The following GLS variants were observed in gnomAD, a reference collection of about 807,000 sequenced individuals.
The protein encoded by GLS is glutaminase, also known as glutaminase kidney isoform, mitochondrial.
GLS carries 36 observed loss-of-function variants against 86.7 expected under a neutral mutation model. The ratio of observed to expected loss-of-function variants is 0.42; its 90% confidence interval spans 0.32 to 0.55. The LOEUF (loss-of-function observed/expected upper bound fraction) is 0.55, where lower values mean the gene tolerates loss of function less well. Ranked by LOEUF, GLS falls within the 20% of genes least tolerant of loss-of-function variation. The pLI is 0.17. For missense variants in GLS, 528 were observed against 833.4 expected, an observed-to-expected ratio of 0.63 and a Z score of 4.51; for synonymous variants, 317 against 305.9, an observed-to-expected ratio of 1.04 and a Z score of -0.38.
chr2:190,922,620 C>CT (rs1478013782), intron 9 of GLS, among the ~76,000 whole-genome samples: 2 of 152,128 alleles, frequency 1.3e-5, no homozygotes, highest in African/African-American at 4.8e-5. Flanking sequence ...ATAATAGGCA[C>CT]TTGAGATAGT....
intron 14 of GLS, among the ~76,000 whole-genome samples, chr2:190,952,572 G>A (rs1690742602): frequency 6.6e-6 from 1 of 152,212 alleles, no homozygotes; most frequent in South Asian, 2.1e-4. Flanking sequence ...AAGCCATACT[G>A]GAAAGGGAGA....
Position 190,930,634 on chromosome 2 carries a change from T to G in GLS, c.1557+66T>G. 3 of 1,471,884 alleles carry G rather than the reference T, an allele frequency of 2.0e-6. No individual in the cohort carries two copies. In the South Asian group the frequency reaches 3.8e-5, roughly 19 times the overall value. The allele number at this position is 1,471,884 out of a possible 1,614,324, so 91.2% of individuals were successfully genotyped here. ...TGAGCCATCCAATGATTCTTTTTTT[T>G]AACCCATTTTCCATAGTTCATTAAC... On this transcript the variant is annotated intron_variant, in intron 13 of 17. Transcript: ENST00000320717. This position sits in a 1 kb window ranked among gnomAD's most constrained non-coding sequence, Gnocchi z 5.0.
chr2:190,942,172 C>T (rs1408043490), intron 14 of GLS, among the ~76,000 whole-genome samples: 2 of 146,770 alleles, frequency 1.4e-5, no homozygotes, highest in South Asian at 2.2e-4. Flanking sequence ...CTCCGCCTCC[C>T]GGGTTCACAC....
intron 6 of GLS, among the ~76,000 whole-genome samples, chr2:190,909,361 TATA>T (rs1348089145): frequency 3.9e-5 from 6 of 152,202 alleles, no homozygotes; most frequent in Admixed American, 3.3e-4. Flanking sequence ...TTCAAGTACA[TATA>T]ATACTTGTTA....
chr2:190,880,920 A>AGCACCC lies in GLS; in HGVS notation c.-165_-164insGCACCC, dbSNP rs71030311. The stretch of plus-strand genomic sequence containing the variant: ...CAGCAGCAGCAGCAGCAGCAGCAGC[A>AGCACCC]CCCGCATCCGCTGCGGGAGTCCGAG... On this transcript the variant is annotated 5_prime_UTR_variant, in exon 1 of 18. Transcript: ENST00000320717. 3.2e-6 allele frequency: 3 copies of AGCACCC among 933,616 alleles called. No homozygotes were observed. 57.8% of individuals were successfully genotyped at this position (933,616 alleles called of 1,614,324 possible). A position where few individuals can be genotyped will look rare whatever the true frequency, so the allele number is the denominator to read the frequency against.
At chr2:190,882,497 C>T (rs1045040029) in intron 1 of GLS, among the ~76,000 whole-genome samples, 3 of 152,136 alleles carry the variant, frequency 2.0e-5, no homozygotes, top group African/African-American at 4.8e-5. Context: ...TGGCTTTGTA[C>T]GCTGACACTC....
chr2:190,923,250 C>G (rs1689804427), intron 9 of GLS, among the ~76,000 whole-genome samples: 3 of 152,112 alleles, frequency 2.0e-5, no homozygotes, highest in Admixed American at 2.0e-4. Context: ...TGTGGGTAGT[C>G]AGGAGCTATT....
At chr2:190,944,410 A>G (rs941166595) in intron 14 of GLS, among the ~76,000 whole-genome samples, 5 of 152,208 alleles carry the variant, frequency 3.3e-5, no homozygotes, top group Non-Finnish European at 5.9e-5. Context: ...ACTTGTTTGT[A>G]TAATAGTGGG....
Position 190,921,809 on chromosome 2 carries a change from C to G in GLS, c.1130+606C>G, listed in dbSNP as rs937926174. ...CCATTAACACATGTAAGAACGTTAA[C>G]GTTAATTTTAAAATATCATGACATT... On this transcript the variant is annotated intron_variant, in intron 9 of 17. Transcript: ENST00000320717. This position sits in a 1 kb window ranked among gnomAD's most constrained non-coding sequence, Gnocchi z 4.2. 2.6e-5 allele frequency among the ~76,000 whole-genome samples: 4 copies of G among 151,940 alleles called. No individual in the cohort carries two copies. The highest frequency in any genetic ancestry group is 9.7e-5 in the African/African-American group (4 of 41,406).
In GLS at chr2:190,905,229, G is replaced by A; in HGVS notation, c.979+62G>A. On this transcript the variant is annotated intron_variant, in intron 6 of 17. Transcript: ENST00000320717. The surrounding 1 kb of genome is among the most constrained non-coding windows in gnomAD (Gnocchi z 4.6). ...GTCTCATTTTCCTATGTAAATCTAA[G>A]TCGTTTTAAACATTTTTTGATTAAA... 1 of 1,021,930 alleles carries A rather than the reference G, an allele frequency of 9.8e-7. No homozygotes were observed. The highest frequency in any genetic ancestry group is 1.5e-6 in the Non-Finnish European group (1 of 688,176). The allele number at this position is 1,021,930 out of a possible 1,614,324, so 63.3% of individuals were successfully genotyped here.
intron 14 of GLS, among the ~76,000 whole-genome samples, chr2:190,937,842 T>G (rs1334863367): frequency 1.4e-5 from 2 of 143,548 alleles, no homozygotes; most frequent in African/African-American, 5.1e-5. Context: ...ATCTGTGGGT[T>G]TTTTTTTTTT....
chr2:190,895,066 T>C lies in GLS; in HGVS notation c.387-86T>C. 1.5e-6 allele frequency: 1 copy of C among 659,740 alleles called. No individual in the cohort carries two copies. Among genetic ancestry groups the C allele is most frequent in the Non-Finnish European group, 2.8e-6 (1 of 360,492 alleles). 40.9% of individuals were successfully genotyped at this position (659,740 alleles called of 1,614,324 possible). A position where few individuals can be genotyped will look rare whatever the true frequency, so the allele number is the denominator to read the frequency against. On this transcript the variant is annotated intron_variant, in intron 1 of 17. Transcript: ENST00000320717. This position sits in a 1 kb window ranked among gnomAD's most constrained non-coding sequence, Gnocchi z 4.2. Reference sequence around the variant, plus strand: ...ATATGAGCTCAGCTGTAGTCTAGTTTAGTGGTTATTTAACAATGGATTTAG... The same window carrying C: ...ATATGAGCTCAGCTGTAGTCTAGTTCAGTGGTTATTTAACAATGGATTTAG...
intron 7 of GLS, among the ~76,000 whole-genome samples, chr2:190,910,528 T>C (rs1399167228): frequency 6.6e-6 from 1 of 151,904 alleles, no homozygotes; most frequent in Non-Finnish European, 1.5e-5. Flanking sequence ...AGATGACTCA[T>C]TGTAAATTCC....
intron 14 of GLS, among the ~76,000 whole-genome samples, chr2:190,939,322 T>C (rs1339972850): frequency 1.3e-5 from 2 of 151,748 alleles, no homozygotes. Flanking sequence ...AAAGGCTTTG[T>C]TGACTTACAA....
rs532357575 is a variant in GLS at position 190,951,088 on chromosome 2, C to T, written c.1651-2477C>T. Reference sequence around the variant, plus strand: ...GTGTGCCCAGAGGAATAGATGAATTCTTTGAGGGACATTATATTGAAAAAC... The same window carrying T: ...GTGTGCCCAGAGGAATAGATGAATTTTTTGAGGGACATTATATTGAAAAAC... On this transcript the variant is annotated intron_variant, in intron 14 of 17. Coordinates refer to ENST00000320717, the MANE Select transcript of GLS (RefSeq NM_014905.5). The surrounding 1 kb of genome is among the most constrained non-coding windows in gnomAD (Gnocchi z 4.2). Among the ~76,000 whole-genome samples the T allele has an allele frequency of 1.3e-5, 2 of 152,154 alleles. No individual in the cohort carries two copies. Among genetic ancestry groups the T allele is most frequent in the East Asian group, 3.9e-4 (2 of 5,182 alleles).
At position 190,895,817 on chromosome 2, in the gene GLS, C is replaced by T. The variant is rs184707114; in HGVS notation, c.605+92C>T. On this transcript the variant is annotated intron_variant, in intron 3 of 17. Coordinates refer to ENST00000320717, the MANE Select transcript of GLS (RefSeq NM_014905.5). The surrounding 1 kb of genome is among the most constrained non-coding windows in gnomAD (Gnocchi z 4.2). ...AAAATTGCATCTTTGAAGGCCACTG[C>T]TTCCTGTGTAATGGAAAAAGGGGAT... The T allele has an allele frequency of 2.6e-5, 24 of 909,836 alleles. No homozygotes were observed. The African/African-American group carries it at 3.9e-4, about 15-fold the overall frequency. The allele number at this position is 909,836 out of a possible 1,614,324, so 56.4% of individuals were successfully genotyped here.
At position 190,954,933 on chromosome 2, in the gene GLS, C is replaced by T; in HGVS notation, c.1853+115C>T. 1.4e-6 allele frequency: 1 copy of T among 691,876 alleles called. No individual in the cohort carries two copies. The highest frequency in any genetic ancestry group is 2.4e-6 in the Non-Finnish European group (1 of 409,970). The allele number at this position is 691,876 out of a possible 1,614,324, so 42.9% of individuals were successfully genotyped here. A position where few individuals can be genotyped will look rare whatever the true frequency, so the allele number is the denominator to read the frequency against. Reference sequence around the variant, plus strand: ...GACATTCTTGAACCTGCTATGATATCTTATAAAGGCAATAAACCTTGTTTC... The same window carrying T: ...GACATTCTTGAACCTGCTATGATATTTTATAAAGGCAATAAACCTTGTTTC... On this transcript the variant is annotated intron_variant, in intron 17 of 17. Transcript: ENST00000320717. This position sits in a 1 kb window ranked among gnomAD's most constrained non-coding sequence, Gnocchi z 4.0.
At chr2:190,928,039 G>A (rs776562009) in intron 12 of GLS, among the ~76,000 whole-genome samples, 5 of 149,280 alleles carry the variant, frequency 3.3e-5, no homozygotes, top group Non-Finnish European at 6.0e-5. Flanking sequence ...CATGTAAAAC[G>A]AGAGAGAGAG....
chr2:190,939,065 T>A (rs1690353162), intron 14 of GLS, among the ~76,000 whole-genome samples: 1 of 151,660 alleles, frequency 6.6e-6, no homozygotes, highest in African/African-American at 2.4e-5. Flanking sequence ...AACAAATGGT[T>A]TCTTAAGAAA....
Sources: gnomAD v4.1 joint callset for allele counts (sites outside exome capture counted in the v4.1 genomes callset) on GRCh38, gnomAD v4.1.1 for gene constraint, Gnocchi (gnomAD v3.1) non-coding constraint, MANE v1.5 for transcripts, NCBI Gene and HGNC (gene_info 2026-07-23, HGNC 2026-07-21) for gene names.